MTARC1: variants seen among roughly 807,000 people sequenced by gnomAD.
MTARC1 encodes mitochondrial amidoxime-reducing component 1.
Under a neutral mutation model 33.6 loss-of-function variants are expected in MTARC1, and 24 were observed. The observed-to-expected ratio is 0.72, with a 90% CI of 0.52 to 1.01. MTARC1 has a LOEUF of 1.01. Among genes scored for constraint, MTARC1 ranks in the 50% least tolerant of loss-of-function variants. The pLI is 0.00. For missense variants in MTARC1, 417 were observed against 445.7 expected, an observed-to-expected ratio of 0.94 and a Z score of 0.58; for synonymous variants, 187 against 189.5, an observed-to-expected ratio of 0.99 and a Z score of 0.11.
intron 4 of MTARC1, chr1:220,798,763 A>C: frequency 1.2e-6 from 1 of 851,450 alleles, no homozygotes; most frequent in Non-Finnish European, 1.4e-6. Context: ...CCTCAAATTT[A>C]TGTTGAGAAG....
chr1:220,791,530 T>A lies in MTARC1; in HGVS notation c.315T>A (p.Thr105=), dbSNP rs1199823849. The part of the protein sequence containing the change: ...LVINQEGNMV[T]ARQEPRLVLI... ...TCAACCAGGAGGGAAACATGGTTACTGCTCGCCAGGAACCTCGCCTGGTCC... is the reference window on the plus strand; with the variant it reads ...TCAACCAGGAGGGAAACATGGTTACAGCTCGCCAGGAACCTCGCCTGGTCC... The change falls in exon 2 of 7, where the codon ACT becomes ACA. Residue 105 remains threonine (T), a synonymous_variant. Coordinates refer to ENST00000366910, the MANE Select transcript of MTARC1 (RefSeq NM_022746.4). 1 of 1,614,178 alleles carries A rather than the reference T, an allele frequency of 6.2e-7. No homozygotes were observed.
intron 6 of MTARC1, among the ~76,000 whole-genome samples, chr1:220,810,916 G>A (rs974379327): frequency 1.3e-5 from 2 of 152,152 alleles, no homozygotes; most frequent in Non-Finnish European, 2.9e-5. Context: ...CTCCCCCTGA[G>A]ACTTAACTGT....
intron 6 of MTARC1, among the ~76,000 whole-genome samples, chr1:220,810,774 G>A (rs1387699835): frequency 6.6e-6 from 1 of 152,144 alleles, no homozygotes; most frequent in Non-Finnish European, 1.5e-5. Flanking sequence ...GCCTGTGGGT[G>A]TACTCAGGAG....
intron 1 of MTARC1, among the ~76,000 whole-genome samples, chr1:220,788,056 A>G (rs1672301038): frequency 2.0e-5 from 3 of 152,126 alleles, no homozygotes; most frequent in African/African-American, 2.4e-5. Flanking sequence ...TGCAGATGCT[A>G]TTTTCCCCAA....
Position 220,819,638 on chromosome 1 carries a change from T to C in MTARC1, c.*6220T>C, listed in dbSNP as rs1673346185. The C allele has an allele frequency of 1.3e-5, 2 of 152,222 alleles. No individual in the cohort carries two copies. The highest frequency in any genetic ancestry group is 6.5e-5 in the Admixed American group (1 of 15,282). The allele number at this position is 152,222 out of a possible 1,614,324, so 9.4% of individuals were successfully genotyped here. ...CAGGGCTTTTGAAAAGAGAACAAAA[T>C]AAAGATTTCAAGTCTTAGCAATGTG... On this transcript the variant is annotated 3_prime_UTR_variant, in exon 7 of 7. Coordinates refer to ENST00000366910, the MANE Select transcript of MTARC1 (RefSeq NM_022746.4).
At chr1:220,810,581 C>T (rs1673100220) in intron 6 of MTARC1, among the ~76,000 whole-genome samples, 1 of 152,224 alleles carries the variant, frequency 6.6e-6, no homozygotes, top group African/African-American at 2.4e-5. Flanking sequence ...TCACCCCGAC[C>T]TGTGCAGTTT....
At chr1:220,791,744 G>C (rs3738177) in intron 2 of MTARC1, 80 bp downstream of exon 2, 131,459 of 1,478,132 alleles carry the variant, frequency 0.089, 10,704 homozygotes, top group East Asian at 0.33. Context: ...TAGAGGGAAT[G>C]CTGAGAAACA....
chr1:220,803,046 T>A (rs1457954359), intron 4 of MTARC1, among the ~76,000 whole-genome samples: 1 of 152,146 alleles, frequency 6.6e-6, no homozygotes, highest in Non-Finnish European at 1.5e-5. Context: ...TTACCAACTG[T>A]ATTAGTTTAT....
chr1:220,813,225 A>T (rs1673192529), intron 6 of MTARC1, 67 bp from the exon 7 acceptor site: 2 of 1,609,702 alleles, frequency 1.2e-6, no homozygotes, highest in African/African-American at 2.7e-5. Flanking sequence ...GTGGGATGGA[A>T]GCCACGTGCT....
chr1:220,787,473 C>T (rs1159927892), intron 1 of MTARC1, among the ~76,000 whole-genome samples: 1 of 152,160 alleles, frequency 6.6e-6, no homozygotes, highest in Non-Finnish European at 1.5e-5. Flanking sequence ...CTCCCACTGG[C>T]TCTTTGGCGT....
chr1:220,801,220 A>T (rs1237460681), intron 4 of MTARC1, among the ~76,000 whole-genome samples: 2 of 151,594 alleles, frequency 1.3e-5, no homozygotes, highest in African/African-American at 4.9e-5. Context: ...CCCCAGCCAT[A>T]CTGGCCTTTT....
chr1:220,795,200 A>G (rs1227896120), intron 2 of MTARC1, among the ~76,000 whole-genome samples: 1 of 152,194 alleles, frequency 6.6e-6, no homozygotes, highest in African/African-American at 2.4e-5. Context: ...CCTACTGAGC[A>G]TATCCCAGTC....
intron 4 of MTARC1, among the ~76,000 whole-genome samples, chr1:220,804,377 A>G (rs572130325): frequency 5.9e-5 from 9 of 152,282 alleles, no homozygotes; most frequent in African/African-American, 2.2e-4. Flanking sequence ...ATTTAAAAAT[A>G]AAATATTTAT....
chr1:220,815,328 A>C lies in MTARC1; in HGVS notation c.*1910A>C, dbSNP rs1673258623. The stretch of plus-strand genomic sequence containing the variant: ...TGGCTCTTCCTAGGTATTTATAATT[A>C]GTGGCAAGTGAAAGCCTTAGTCCTG... On this transcript the variant is annotated 3_prime_UTR_variant, in exon 7 of 7. Coordinates refer to ENST00000366910, the MANE Select transcript of MTARC1 (RefSeq NM_022746.4). 6.6e-6 allele frequency: 1 copy of C among 152,266 alleles called. No homozygotes were observed. Among genetic ancestry groups the C allele is most frequent in the Admixed American group, 6.5e-5 (1 of 15,294 alleles). The allele number at this position is 152,266 out of a possible 1,614,324, so 9.4% of individuals were successfully genotyped here.
intron 3 of MTARC1, 49 bp downstream of exon 3, chr1:220,796,854 C>A (rs768788738): frequency 1.2e-5 from 19 of 1,530,170 alleles, no homozygotes; most frequent in Middle Eastern, 1.7e-4. Flanking sequence ...ACCCCCAGAT[C>A]AGGGGGCTCA....
chr1:220,799,314 G>T, intron 4 of MTARC1: 5 of 407,476 alleles, frequency 1.2e-5, no homozygotes, highest in Non-Finnish European at 1.7e-5. Flanking sequence ...CAAGGTCCTG[G>T]GTTGGGCATC....
In MTARC1 at chr1:220,815,302, G is replaced by T. The variant is rs1038126538; in HGVS notation, c.*1884G>T. On this transcript the variant is annotated 3_prime_UTR_variant, in exon 7 of 7. Coordinates refer to ENST00000366910, the MANE Select transcript of MTARC1 (RefSeq NM_022746.4). ...GGAGCAATCAGAAACCCAAGGTTTG[G>T]TGGCTCTTCCTAGGTATTTATAATT... 3 of 152,370 alleles carry T rather than the reference G, an allele frequency of 2.0e-5. No homozygotes were observed. The highest frequency in any genetic ancestry group is 4.1e-4 in the South Asian group (2 of 4,830). The allele number at this position is 152,370 out of a possible 1,614,324, so 9.4% of individuals were successfully genotyped here.
chr1:220,788,681 C>T lies in MTARC1; in HGVS notation c.275+1462C>T, dbSNP rs150554152. Among the ~76,000 whole-genome samples the T allele has an allele frequency of 8.9e-3, 1,351 of 151,592 alleles. 9 individuals are homozygous for T. Among genetic ancestry groups the T allele is most frequent in the East Asian group, 0.059 (300 of 5,082 alleles). ...GTGGGCGCCTGTAGTCCCAGCTACT[C>T]GGGAGACTGAGGCAGGAGAATGGCG... On this transcript the variant is annotated intron_variant, in intron 1 of 6. Transcript: ENST00000366910.
chr1:220,792,429 G>C (rs1672454052), intron 2 of MTARC1, among the ~76,000 whole-genome samples: 1 of 152,202 alleles, frequency 6.6e-6, no homozygotes, highest in African/African-American at 2.4e-5. Flanking sequence ...TAAAGATGCA[G>C]TGTGAATGTA....
Sources: gnomAD v4.1 joint callset for allele counts (sites outside exome capture counted in the v4.1 genomes callset) on GRCh38, gnomAD v4.1.1 for gene constraint, MANE v1.5 for transcripts, NCBI Gene and HGNC (gene_info 2026-07-23, HGNC 2026-07-21) for gene names.